Variants in MADD observed in about 807,000 individuals in gnomAD.
MADD encodes the protein MAP kinase activating death domain.
MADD carries 109 observed loss-of-function variants against 176.7 expected under a neutral mutation model. The observed-to-expected ratio is 0.62, with a 90% CI of 0.53 to 0.72. MADD has a LOEUF of 0.72. Among genes scored for constraint, MADD ranks in the 30% least tolerant of loss-of-function variants. The probability of loss-of-function intolerance (pLI) is 0.00; values close to 1 mark genes in which losing one functional copy is unlikely to be tolerated. For missense variants in MADD, 1,914 were observed against 2,045.5 expected, an observed-to-expected ratio of 0.94 and a Z score of 1.24; for synonymous variants, 771 against 771.3, an observed-to-expected ratio of 1.00 and a Z score of 0.01.
chr11:47,288,620 T>C (rs1442504815), intron 15 of MADD, among the ~76,000 whole-genome samples: 1 of 152,214 alleles, frequency 6.6e-6, no homozygotes, highest in Non-Finnish European at 1.5e-5. Flanking sequence ...ATCTGCAAGA[T>C]GGGTTGCTTC....
intron 31 of MADD, chr11:47,327,709 C>A: frequency 1.0e-6 from 1 of 985,450 alleles, no homozygotes; most frequent in Non-Finnish European, 1.2e-6. Flanking sequence ...CTTGCTCTAC[C>A]TTTGATGAGT....
chr11:47,274,566 C>A, exon 3 of MADD: 6 of 1,605,776 alleles, frequency 3.7e-6, no homozygotes, highest in Non-Finnish European at 5.1e-6. Flanking sequence ...TCTTCAGGCA[C>A]CCGAGCAGTG....
At chr11:47,314,744 C>G (rs2092144282) in intron 26 of MADD, among the ~76,000 whole-genome samples, 1 of 152,056 alleles carries the variant, frequency 6.6e-6, no homozygotes, top group African/African-American at 2.4e-5. Flanking sequence ...TTTCATATAC[C>G]TCAACCAAAG....
chr11:47,274,805 A>G (rs763465041), exon 3 of MADD: 2 of 1,614,232 alleles, frequency 1.2e-6, no homozygotes, highest in Admixed American at 1.7e-5. Flanking sequence ...CGCTCCTTCC[A>G]AAAGCGAATC....
chr11:47,288,592 C>T (rs1184316794), intron 15 of MADD, among the ~76,000 whole-genome samples: 1 of 152,164 alleles, frequency 6.6e-6, no homozygotes, highest in Non-Finnish European at 1.5e-5. Context: ...ATACCCTGAC[C>T]CCACTCCCCA....
At chr11:47,276,769 T>C in exon 5 of MADD, 1 of 1,614,218 alleles carries the variant, frequency 6.2e-7, no homozygotes, top group Non-Finnish European at 8.5e-7. Context: ...GCACTCTCCA[T>C]GTCTGTGATG....
At chr11:47,326,004 G>A (rs1392098303) in intron 30 of MADD, among the ~76,000 whole-genome samples, 1 of 152,194 alleles carries the variant, frequency 6.6e-6, no homozygotes, top group East Asian at 1.9e-4. Context: ...CAGACCTCCT[G>A]GTGGAGCTGT....
Position 47,324,551 on chromosome 11 carries a change from A to G in MADD, c.4516A>G (p.Ile1506Val), listed in dbSNP as rs777765312. 20 of 1,613,566 alleles carry G rather than the reference A, an allele frequency of 1.2e-5. No homozygotes were observed. In the Admixed American group the frequency reaches 2.5e-4, roughly 20 times the overall value. The change falls in exon 30 of 33, where the codon ATC (isoleucine) becomes GTC (valine). Residue 1506 changes from isoleucine to valine, a missense_variant. Coordinates refer to ENST00000402192, the Ensembl canonical transcript of MADD. Reference sequence around the variant, plus strand: ...CCTGCTGCAGGTGACCCTGGAAGGGATCAACCTCAAATTCATGCACAATCA... The same window carrying G: ...CCTGCTGCAGGTGACCCTGGAAGGGGTCAACCTCAAATTCATGCACAATCA...
chr11:47,324,337 G>C, exon 29 of MADD: 1 of 1,614,142 alleles, frequency 6.2e-7, no homozygotes, highest in Non-Finnish European at 8.5e-7. Context: ...CATCAAACCC[G>C]GTGAGGAGAG....
chr11:47,293,060 G>GT, intron 19 of MADD, among the ~76,000 whole-genome samples: 1 of 152,170 alleles, frequency 6.6e-6, no homozygotes, highest in South Asian at 2.1e-4. Flanking sequence ...TTGTGGGTGG[G>GT]TGGGGGACAA....
At chr11:47,327,118 A>C in intron 31 of MADD, 1 of 1,093,952 alleles carries the variant, frequency 9.1e-7, no homozygotes. Context: ...AAAGTTTGGG[A>C]CACAGCAGAC....
Position 47,311,859 on chromosome 11 carries a change from A to G in MADD, c.4089+17A>G, listed in dbSNP as rs2076090496. Reference sequence around the variant, plus strand: ...GCGAACCTGGTAAGCACGTCTGGCCACCCCTTAGGCTTCCCCATGGGTCAT... The same window carrying G: ...GCGAACCTGGTAAGCACGTCTGGCCGCCCCTTAGGCTTCCCCATGGGTCAT... On this transcript the variant is annotated intron_variant, in intron 26 of 32. Coordinates refer to ENST00000402192, the Ensembl canonical transcript of MADD. 1 of 1,541,744 alleles carries G rather than the reference A, an allele frequency of 6.5e-7. No homozygotes were observed. Among genetic ancestry groups the G allele is most frequent in the African/African-American group, 1.4e-5 (1 of 73,432 alleles).
At chr11:47,304,582 C>CTGTG (rs1555075719) in intron 22 of MADD, among the ~76,000 whole-genome samples, 2 of 151,636 alleles carry the variant, frequency 1.3e-5, no homozygotes, top group African/African-American at 4.9e-5. Flanking sequence ...TGCAAGATTT[C>CTGTG]TGTTTTTTTG....
chr11:47,312,003 C>T (rs1199300267), intron 26 of MADD, among the ~76,000 whole-genome samples, 161 bp downstream of exon 29: 1 of 152,162 alleles, frequency 6.6e-6, no homozygotes, highest in East Asian at 1.9e-4. Flanking sequence ...CTGTATAAAA[C>T]CATCGTAGTG....
At chr11:47,304,154 C>A (rs905151200) in intron 22 of MADD, among the ~76,000 whole-genome samples, 1 of 151,862 alleles carries the variant, frequency 6.6e-6, no homozygotes, top group African/African-American at 2.4e-5. Context: ...TGACTAATTT[C>A]GAATGACTTA....
intron 26 of MADD, 88 bp from the exon 30 acceptor site, chr11:47,315,132 T>G: frequency 1.3e-6 from 1 of 753,966 alleles, no homozygotes; most frequent in Non-Finnish European, 2.4e-6. Context: ...GAAGCCGATA[T>G]GAATTTGATT....
At chr11:47,285,156 T>G in exon 13 of MADD, 10 of 1,614,020 alleles carry the variant, frequency 6.2e-6, no homozygotes, top group Non-Finnish European at 8.5e-6. Context: ...AGGGGGAAAG[T>G]TACACTCCCC....
At chr11:47,278,964 C>G in intron 6 of MADD, 35 bp from the exon 7 acceptor site, 2 of 1,591,526 alleles carry the variant, frequency 1.3e-6, no homozygotes, top group Non-Finnish European at 8.6e-7. Context: ...GCAATAAACT[C>G]TAAGGTCACG....
At position 47,303,238 on chromosome 11, in the gene MADD, T is replaced by TG. The variant is rs1555073401; in HGVS notation, c.3643-5352dup. On this transcript the variant is annotated intron_variant, in intron 22 of 32. Coordinates refer to ENST00000402192, the Ensembl canonical transcript of MADD. Reference sequence around the variant, plus strand: ...ATGTGACTTAACACTTTTCTCTTGCTGTTTTTTTTTTTTTTTTTTTTGAGA... The same window carrying TG: ...ATGTGACTTAACACTTTTCTCTTGCTGGTTTTTTTTTTTTTTTTTTTTGAGA... 3.5e-5 allele frequency among the ~76,000 whole-genome samples: 4 copies of TG among 114,268 alleles called. No homozygotes were observed. In the Admixed American group the frequency reaches 4.8e-4, roughly 14 times the overall value. The allele number at this position is 114,268 out of a possible 152,430, so 75.0% of individuals were successfully genotyped here.
Sources: gnomAD v4.1 joint callset for allele counts (sites outside exome capture counted in the v4.1 genomes callset) on GRCh38, gnomAD v4.1.1 for gene constraint, MANE v1.5 for transcripts, NCBI Gene and HGNC (gene_info 2026-07-23, HGNC 2026-07-21) for gene names.